Variants in SMYD3 observed in about 807,000 individuals in gnomAD.
SMYD3 encodes SET and MYND domain containing 3, also known as histone-lysine N-methyltransferase SMYD3.
Under a neutral mutation model 57.7 loss-of-function variants are expected in SMYD3, and 36 were observed. That is an observed-to-expected ratio of 0.62 (90% CI 0.48 to 0.82). The LOEUF (loss-of-function observed/expected upper bound fraction) is 0.82. SMYD3 is among the 40% of genes least tolerant of loss of function. SMYD3 has a pLI of 0.00. For missense variants in SMYD3, 515 were observed against 538.8 expected, an observed-to-expected ratio of 0.96 and a Z score of 0.44; for synonymous variants, 211 against 195.0, an observed-to-expected ratio of 1.08 and a Z score of -0.68.
chr1:246,122,503 T>C (rs561439909), intron 5 of SMYD3, among the ~76,000 whole-genome samples: 62 of 152,330 alleles, frequency 4.1e-4, no homozygotes, highest in South Asian at 1.4e-3. Flanking sequence ...TGCTACCATA[T>C]GGCAAATTAC....
chr1:246,390,015 A>G (rs1283800488), intron 1 of SMYD3, among the ~76,000 whole-genome samples: 1 of 152,036 alleles, frequency 6.6e-6, no homozygotes, highest in East Asian at 1.9e-4. Flanking sequence ...TGGGGGGCAA[A>G]ACTCCAGGTC....
chr1:246,280,409 A>G (rs1422250656), intron 5 of SMYD3, among the ~76,000 whole-genome samples: 1 of 152,188 alleles, frequency 6.6e-6, no homozygotes, highest in South Asian at 2.1e-4. Context: ...CTGCCATGCG[A>G]CAGAAAAGAG....
chr1:246,186,314 T>C (rs1371390412), intron 5 of SMYD3, among the ~76,000 whole-genome samples: 2 of 152,126 alleles, frequency 1.3e-5, no homozygotes, highest in Non-Finnish European at 2.9e-5. Context: ...TCAATATGCA[T>C]AGGAAAATAA....
intron 5 of SMYD3, among the ~76,000 whole-genome samples, chr1:246,299,142 T>C (rs948642048): frequency 2.6e-5 from 4 of 152,158 alleles, no homozygotes; most frequent in Admixed American, 2.6e-4. Context: ...AAGATAGATG[T>C]ATACTGATGT....
intron 10 of SMYD3, among the ~76,000 whole-genome samples, chr1:245,768,724 G>T (rs2148075827): frequency 6.6e-6 from 1 of 152,260 alleles, no homozygotes; most frequent in Admixed American, 6.5e-5. Flanking sequence ...TTCACGAAGT[G>T]TTCAGCTTGT....
At chr1:245,922,071 C>A (rs1444920861) in intron 7 of SMYD3, among the ~76,000 whole-genome samples, 2 of 152,054 alleles carry the variant, frequency 1.3e-5, no homozygotes, top group Non-Finnish European at 2.9e-5. Context: ...AATTACATTT[C>A]TTTTACACTT....
intron 5 of SMYD3, among the ~76,000 whole-genome samples, chr1:245,931,910 T>C (rs2056747035): frequency 6.6e-6 from 1 of 152,236 alleles, no homozygotes; most frequent in African/African-American, 2.4e-5. Flanking sequence ...AGCAAAATTA[T>C]ACATATATAT....
intron 1 of SMYD3, among the ~76,000 whole-genome samples, chr1:246,399,519 C>A (rs1337438886): frequency 1.3e-5 from 2 of 151,880 alleles, no homozygotes; most frequent in Non-Finnish European, 2.9e-5. Flanking sequence ...ATTTTTTTTA[C>A]TTCTTTGTAC....
intron 10 of SMYD3, among the ~76,000 whole-genome samples, chr1:245,829,567 T>C (rs1044189150): frequency 2.6e-5 from 4 of 152,248 alleles, no homozygotes; most frequent in Non-Finnish European, 4.4e-5. Flanking sequence ...GCACCCACTT[T>C]GGAAAGCAGT....
chr1:245,797,639 C>A (rs893644182), intron 10 of SMYD3, among the ~76,000 whole-genome samples: 1 of 151,510 alleles, frequency 6.6e-6, no homozygotes, highest in Non-Finnish European at 1.5e-5. Flanking sequence ...CAAACCTGCA[C>A]GTTGTGCACA....
At chr1:246,501,853 G>T (rs1333603729) in intron 1 of SMYD3, among the ~76,000 whole-genome samples, 2 of 152,160 alleles carry the variant, frequency 1.3e-5, no homozygotes, top group Non-Finnish European at 2.9e-5. Flanking sequence ...ATTTCACGAG[G>T]CAATTTATGC....
intron 5 of SMYD3, among the ~76,000 whole-genome samples, chr1:246,258,100 G>A (rs56408886): frequency 0.21 from 31,552 of 151,988 alleles, 3,996 homozygotes; most frequent in East Asian, 0.58. Context: ...GCAGTGGTGC[G>A]ATCTTGGCTC....
chr1:246,019,892 T>TA (rs1383355642), intron 5 of SMYD3, among the ~76,000 whole-genome samples: 4 of 152,202 alleles, frequency 2.6e-5, no homozygotes, highest in Non-Finnish European at 5.9e-5. Flanking sequence ...AATACATATA[T>TA]AGCAGCATGG....
chr1:246,379,724 G>C (rs1205234120), intron 1 of SMYD3, among the ~76,000 whole-genome samples: 3 of 152,320 alleles, frequency 2.0e-5, no homozygotes. Context: ...AAAAGGCCGG[G>C]TATGGTGGCT....
At chr1:246,458,250 C>T (rs928168556) in intron 1 of SMYD3, among the ~76,000 whole-genome samples, 4 of 151,912 alleles carry the variant, frequency 2.6e-5, no homozygotes, top group Non-Finnish European at 5.9e-5. Flanking sequence ...GAAGAAAGGT[C>T]AAAAGGCAAA....
At chr1:245,850,163 G>T (rs2050889946) in intron 10 of SMYD3, among the ~76,000 whole-genome samples, 1 of 152,160 alleles carries the variant, frequency 6.6e-6, no homozygotes, top group Admixed American at 6.5e-5. Context: ...AGGTCGCCCT[G>T]GCCAGATGTA....
At chr1:245,959,633 T>C (rs1558535412) in intron 5 of SMYD3, among the ~76,000 whole-genome samples, 1 of 152,230 alleles carries the variant, frequency 6.6e-6, no homozygotes, top group Non-Finnish European at 1.5e-5. Context: ...CTGTGTTCTC[T>C]TGTGACCACC....
At chr1:246,165,467 G>A (rs2148216576) in intron 5 of SMYD3, among the ~76,000 whole-genome samples, 1 of 152,262 alleles carries the variant, frequency 6.6e-6, no homozygotes, top group South Asian at 2.1e-4. Flanking sequence ...TAATAAAAGA[G>A]TGAGCTCTAG....
At chr1:246,219,814 C>A (rs1248646839) in intron 5 of SMYD3, among the ~76,000 whole-genome samples, 2 of 152,184 alleles carry the variant, frequency 1.3e-5, no homozygotes, top group Non-Finnish European at 2.9e-5. Flanking sequence ...CAGGCTCCTG[C>A]ACTCACACAC....
Sources: allele counts gnomAD v4.1 joint callset (sites outside exome capture counted in the v4.1 genomes callset), GRCh38; gene constraint gnomAD v4.1.1; transcripts MANE v1.5; gene names NCBI Gene and HGNC (gene_info 2026-07-23, HGNC 2026-07-21).